Variants in PYHIN1 observed in about 807,000 individuals in gnomAD.
The protein encoded by PYHIN1 is pyrin and HIN domain family member 1.
PYHIN1 carries 32 observed loss-of-function variants against 43.7 expected under a neutral mutation model. The ratio of observed to expected loss-of-function variants is 0.73; its 90% CI spans 0.55 to 0.98. PYHIN1 has a LOEUF of 0.98. PYHIN1 is among the 50% of genes least tolerant of loss of function. PYHIN1 has a pLI of 0.00. For synonymous variants in PYHIN1, 205 were observed against 203.1 expected, an observed-to-expected ratio of 1.01 and a Z score of -0.08; for missense variants, 588 against 589.5, an observed-to-expected ratio of 1.00 and a Z score of 0.03.
intron 7 of PYHIN1, among the ~76,000 whole-genome samples, chr1:158,952,875 G>T (rs1317961592): frequency 2.6e-5 from 4 of 152,208 alleles, no homozygotes; most frequent in Non-Finnish European, 5.9e-5. Flanking sequence ...GCCAGACAGT[G>T]GGCGCAGGTC....
At chr1:158,941,497 T>C (rs1231536688) in intron 4 of PYHIN1, among the ~76,000 whole-genome samples, 1 of 152,168 alleles carries the variant, frequency 6.6e-6, no homozygotes, top group Non-Finnish European at 1.5e-5. Flanking sequence ...AAGTATGAGT[T>C]GTATGCTAAA....
At position 158,936,886 on chromosome 1, in the gene PYHIN1, T is replaced by C; in HGVS notation, c.-20-5T>C. The C allele has an allele frequency of 6.5e-7, 1 of 1,536,308 alleles. No homozygotes were observed. The highest frequency in any genetic ancestry group is 2.3e-5 in the East Asian group (1 of 44,250). On this transcript the variant is annotated splice_polypyrimidine_tract_variant and splice_region_variant and intron_variant, in intron 1 of 8. Coordinates refer to ENST00000368140, the MANE Select transcript of PYHIN1 (RefSeq NM_152501.5). ...GTAACACTATATACCATTTTTCTCT[T>C]GCAGGCTCACTTATATCTTTAGAGA...
At chr1:158,964,873 A>G (rs1214033446) in intron 7 of PYHIN1, among the ~76,000 whole-genome samples, 1 of 152,186 alleles carries the variant, frequency 6.6e-6, no homozygotes, top group African/African-American at 2.4e-5. Context: ...ACAGGATCAA[A>G]TCTGCAGATG....
rs1248907348 is a variant in PYHIN1, at chr1:158,936,876, A to G, written c.-20-15A>G. ...GTATACATGTGTAACACTATATACC[A>G]TTTTTCTCTTGCAGGCTCACTTATA... On this transcript the variant is annotated splice_polypyrimidine_tract_variant and intron_variant, in intron 1 of 8. Coordinates refer to ENST00000368140, the MANE Select transcript of PYHIN1 (RefSeq NM_152501.5). 1 of 1,521,202 alleles carries G rather than the reference A, an allele frequency of 6.6e-7. No homozygotes were observed. Among genetic ancestry groups the G allele is most frequent in the African/African-American group, 1.4e-5 (1 of 71,806 alleles). The allele number at this position is 1,521,202 out of a possible 1,614,324, so 94.2% of individuals were successfully genotyped here.
In PYHIN1 at chr1:158,949,849, C is replaced by T. The variant is rs371599785; in HGVS notation, c.1359+4807C>T. 2.8e-4 allele frequency among the ~76,000 whole-genome samples: 43 copies of T among 152,282 alleles called. No individual in the cohort carries two copies. In the South Asian group the frequency reaches 7.7e-3, roughly 27 times the overall value. On this transcript the variant is annotated intron_variant, in intron 7 of 8. Transcript: ENST00000368140. ...GCACAGGAAGGAATGTTTGGGAAAG[C>T]GGCATTAATTGCATTACCCAGTTTG...
At chr1:158,943,700 C>T (rs963783507) in intron 5 of PYHIN1, 90 bp from the exon 6 acceptor site, 4 of 887,010 alleles carry the variant, frequency 4.5e-6, no homozygotes. Flanking sequence ...TGCTGTCTTG[C>T]ATCTTGTTTT....
intron 5 of PYHIN1, among the ~76,000 whole-genome samples, chr1:158,943,004 G>T (rs185090767): frequency 6.6e-6 from 1 of 151,906 alleles, no homozygotes; most frequent in Non-Finnish European, 1.5e-5. Flanking sequence ...TAGATATGTC[G>T]CAAAAAAAGA....
intron 7 of PYHIN1, among the ~76,000 whole-genome samples, chr1:158,967,765 A>T (rs1007817977): frequency 6.6e-6 from 1 of 152,090 alleles, no homozygotes; most frequent in Non-Finnish European, 1.5e-5. Flanking sequence ...AATGAAACAG[A>T]ATAGACAGCC....
chr1:158,972,849 T>C (rs971570282), intron 7 of PYHIN1, among the ~76,000 whole-genome samples: 9 of 152,098 alleles, frequency 5.9e-5, no homozygotes, highest in African/African-American at 2.2e-4. Context: ...TCCTTTATAA[T>C]ACTTGTCACC....
chr1:158,989,012 C>A, the PYHIN1 span, among the ~76,000 whole-genome samples: 8,672 of 152,262 alleles, frequency 0.057, 516 homozygotes, highest in East Asian at 0.26. Flanking sequence ...CTTAAAATCT[C>A]ATATAATTTT....
At chr1:158,980,384 C>T (rs1031838472), downstream of PYHIN1, among the ~76,000 whole-genome samples, 1 of 152,054 alleles carries the variant, frequency 6.6e-6, no homozygotes, top group African/African-American at 2.4e-5. Context: ...GCTCTGACTG[C>T]CTGCGGGTTT....
chr1:158,962,758 T>C (rs777902169), intron 7 of PYHIN1, among the ~76,000 whole-genome samples: 17 of 152,130 alleles, frequency 1.1e-4, no homozygotes, highest in Non-Finnish European at 2.5e-4. Context: ...CCAGCCCTAC[T>C]CTTCATCAGA....
In PYHIN1 at chr1:158,976,798, G is replaced by A; in HGVS notation, c.*103G>A. The A allele has an allele frequency of 9.8e-7, 1 of 1,024,020 alleles. No individual in the cohort carries two copies. Among genetic ancestry groups the A allele is most frequent in the Non-Finnish European group, 1.5e-6 (1 of 662,402 alleles). The allele number at this position is 1,024,020 out of a possible 1,614,324, so 63.4% of individuals were successfully genotyped here. On this transcript the variant is annotated 3_prime_UTR_variant, in exon 9 of 9. Coordinates refer to ENST00000368140, the MANE Select transcript of PYHIN1 (RefSeq NM_152501.5). Reference sequence around the variant, plus strand: ...CTCCACCTAAAAACCTGATGCCATTGGTAATGATGTTTATGAAGATAAGAT... The same window carrying A: ...CTCCACCTAAAAACCTGATGCCATTAGTAATGATGTTTATGAAGATAAGAT...
chr1:158,970,476 A>G (rs1159186490), intron 7 of PYHIN1, among the ~76,000 whole-genome samples: 1 of 151,922 alleles, frequency 6.6e-6, no homozygotes, highest in African/African-American at 2.4e-5. Flanking sequence ...GTCTATTATC[A>G]CATCCCCTCT....
At position 158,937,365 on chromosome 1, in the gene PYHIN1, C is replaced by T. The variant is rs77368302; in HGVS notation, c.265+190C>T. 2.0e-4 allele frequency among the ~76,000 whole-genome samples: 30 copies of T among 152,076 alleles called. No individual in the cohort carries two copies. The East Asian group carries it at 5.8e-3, about 29-fold the overall frequency. ...GCATTCCATTACTAAAGTGGATTGA[C>T]GTATATCGGAGTTGAGGTGCAGTAA... is the stretch of plus-strand genomic sequence containing the variant. On this transcript the variant is annotated intron_variant, in intron 2 of 8. Coordinates refer to ENST00000368140, the MANE Select transcript of PYHIN1 (RefSeq NM_152501.5).
At chr1:158,961,981 A>AC (rs146556217) in intron 7 of PYHIN1, among the ~76,000 whole-genome samples, 2,019 of 151,472 alleles carry the variant, frequency 0.013, 52 homozygotes, top group African/African-American at 0.046. Context: ...TACTCCAGCC[A>AC]CCCCCCTGCC....
intron 7 of PYHIN1, among the ~76,000 whole-genome samples, chr1:158,952,388 A>C (rs1348015624): frequency 6.6e-6 from 1 of 152,158 alleles, no homozygotes; most frequent in Non-Finnish European, 1.5e-5. Context: ...GTTAAAAAAA[A>C]AAAATGGGTT....
rs1400629492 is a variant in PYHIN1, at chr1:158,937,131, C to A, written c.221C>A (p.Thr74Lys). ...KLIEFFKEIPTLGDLAETLKR... is the reference protein window; with the variant it reads ...KLIEFFKEIPKLGDLAETLKR... ...ATAGAATTCTTCAAAGAAATACCAACACTGGGAGACCTTGCTGAAACTCTT... is the reference window on the plus strand; with the variant it reads ...ATAGAATTCTTCAAAGAAATACCAAAACTGGGAGACCTTGCTGAAACTCTT... Residue 74 changes from threonine to lysine, a missense_variant, in exon 2 of 9, where the codon ACA (threonine) becomes AAA (lysine). Thr to Lys is a moderately conservative substitution (Grantham distance 78). Coordinates refer to ENST00000368140, the MANE Select transcript of PYHIN1 (RefSeq NM_152501.5). 5.0e-6 allele frequency: 8 copies of A among 1,606,990 alleles called. No homozygotes were observed. Among genetic ancestry groups the A allele is most frequent in the Non-Finnish European group, 6.8e-6 (8 of 1,177,798 alleles).
At chr1:158,969,180 A>G (rs1650800608) in intron 7 of PYHIN1, among the ~76,000 whole-genome samples, 1 of 151,972 alleles carries the variant, frequency 6.6e-6, no homozygotes. Flanking sequence ...AATTTCTGAA[A>G]TATTTTTCTA....
Sources: gnomAD v4.1 joint callset for allele counts (sites outside exome capture counted in the v4.1 genomes callset) on GRCh38, gnomAD v4.1.1 for gene constraint, MANE v1.5 for transcripts, NCBI Gene and HGNC (gene_info 2026-07-23, HGNC 2026-07-21) for gene names.